The following CRACDL variants were observed in gnomAD, a reference collection of about 807,000 sequenced individuals.
CRACDL encodes the protein CRACD like, also known as CRACD-like protein.
A neutral mutation model predicts 70.6 loss-of-function variants in CRACDL; 26 were observed. That is an observed-to-expected ratio of 0.37 (90% CI 0.27 to 0.51). The LOEUF is 0.51. CRACDL is among the 20% of genes least tolerant of loss of function. The pLI, the probability that CRACDL is intolerant of heterozygous loss-of-function variation, is 0.94. For synonymous variants in CRACDL, 618 were observed against 615.2 expected, an observed-to-expected ratio of 1.00 and a Z score of -0.07; for missense variants, 1,283 against 1,376.9, an observed-to-expected ratio of 0.93 and a Z score of 1.08.
At chr2:98,928,188 T>C (rs529434499) in intron 1 of CRACDL, among the ~76,000 whole-genome samples, 1 of 148,716 alleles carries the variant, frequency 6.7e-6, no homozygotes, top group African/African-American at 2.6e-5. Flanking sequence ...CTCAAAAAAA[T>C]AAATAAATAA....
chr2:98,795,050 T>A (rs199781964), intron 9 of CRACDL, among the ~76,000 whole-genome samples: 36,556 of 50,742 alleles, frequency 0.72, 11,297 homozygotes, highest in African/African-American at 0.75. Context: ...AATATATATA[T>A]ATATATATAT....
chr2:98,930,739 T>C (rs923784037), intron 1 of CRACDL, among the ~76,000 whole-genome samples: 4 of 152,178 alleles, frequency 2.6e-5, no homozygotes, highest in Non-Finnish European at 5.9e-5. Context: ...GTTATGCTCA[T>C]TTTCCTTAAA....
chr2:98,871,606 G>A (rs958837558), intron 1 of CRACDL, among the ~76,000 whole-genome samples: 6 of 152,208 alleles, frequency 3.9e-5, no homozygotes. Flanking sequence ...TTCTGGGCTG[G>A]AATCTGGCAG....
At chr2:98,829,385 G>A (rs1348782437) in intron 5 of CRACDL, among the ~76,000 whole-genome samples, 3 of 152,216 alleles carry the variant, frequency 2.0e-5, no homozygotes, top group Non-Finnish European at 4.4e-5. Context: ...TGTTTCCACT[G>A]TTGCTCTGAG....
intron 3 of CRACDL, among the ~76,000 whole-genome samples, chr2:98,835,317 A>C (rs1363250409): frequency 6.6e-6 from 1 of 152,228 alleles, no homozygotes; most frequent in Non-Finnish European, 1.5e-5. Context: ...AGCTGGACTG[A>C]GGTCTTTAAA....
intron 1 of CRACDL, among the ~76,000 whole-genome samples, chr2:98,852,545 A>G (rs543066454): frequency 2.6e-5 from 4 of 152,336 alleles, no homozygotes; most frequent in African/African-American, 7.2e-5. Flanking sequence ...TTAAATAGCC[A>G]ACAAAGACTT....
intron 5 of CRACDL, 121 bp downstream of exon 5, chr2:98,832,227 C>A: frequency 1.0e-6 from 1 of 1,003,880 alleles, no homozygotes; most frequent in Non-Finnish European, 1.6e-6. Flanking sequence ...CTCCAGTGAC[C>A]CAGTTGGCCA....
Position 98,869,408 on chromosome 2 carries a change from G to A in CRACDL, c.-10-22598C>T, listed in dbSNP as rs1383001098. On this transcript the variant is annotated intron_variant, in intron 1 of 9. Transcript: ENST00000397899. ...AATGCACTTCCGCCTTCCACTCCAA[G>A]CCCTGAAGGCCGGGATGGGGGTGGC... The A allele has an allele frequency of 7.0e-6, 4 of 573,814 alleles. No homozygotes were observed. The African/African-American group carries it at 7.9e-5, about 11-fold the overall frequency. 35.5% of individuals were successfully genotyped at this position (573,814 alleles called of 1,614,324 possible).
At chr2:98,889,134 AG>A (rs1256650619) in intron 1 of CRACDL, among the ~76,000 whole-genome samples, 7 of 148,422 alleles carry the variant, frequency 4.7e-5, no homozygotes, top group African/African-American at 1.2e-4. Context: ...CAAAAAAAAA[AG>A]GGGGGGGAAG....
At chr2:98,871,555 A>C (rs1027734931) in intron 1 of CRACDL, among the ~76,000 whole-genome samples, 1 of 152,166 alleles carries the variant, frequency 6.6e-6, no homozygotes, top group Non-Finnish European at 1.5e-5. Context: ...CCTCCCAAGA[A>C]ACCCTGGCAA....
rs191687332 is a variant in CRACDL, at chr2:98,857,213, T to A, written c.-10-10403A>T. Among the ~76,000 whole-genome samples, 126 of 152,100 alleles carry A rather than the reference T, an allele frequency of 8.3e-4. 1 individual carries two copies. Among genetic ancestry groups the A allele is most frequent in the African/African-American group, 3.0e-3 (123 of 41,496 alleles). On this transcript the variant is annotated intron_variant, in intron 1 of 9. Coordinates refer to ENST00000397899, the MANE Select transcript of CRACDL (RefSeq NM_207362.3). ...ACACAGCTACATTGGAGTAAGAAAA[T>A]GACATCAGATGGTAACATGATCCAC...
intron 7 of CRACDL, among the ~76,000 whole-genome samples, chr2:98,812,305 T>A (rs1009297999): frequency 2.0e-5 from 3 of 152,212 alleles, no homozygotes; most frequent in African/African-American, 7.2e-5. Flanking sequence ...AATGCTGTTG[T>A]AGACATGAAC....
At chr2:98,894,459 G>A (rs948481164) in intron 1 of CRACDL, among the ~76,000 whole-genome samples, 3 of 152,228 alleles carry the variant, frequency 2.0e-5, no homozygotes, top group Non-Finnish European at 2.9e-5. Flanking sequence ...CCCAATGTAC[G>A]ATGGAAAATC....
At chr2:98,854,437 T>C (rs1173874684) in intron 1 of CRACDL, among the ~76,000 whole-genome samples, 5 of 151,844 alleles carry the variant, frequency 3.3e-5, no homozygotes, top group African/African-American at 9.7e-5. Context: ...GTCTTACAGA[T>C]GCCTAAAAAA....
chr2:98,919,492 CAT>C (rs1432603946), intron 1 of CRACDL, among the ~76,000 whole-genome samples: 1 of 152,052 alleles, frequency 6.6e-6, no homozygotes, highest in Admixed American at 6.6e-5. Context: ...TCTCTGGTAT[CAT>C]GTGTAGAAAG....
chr2:98,825,809 C>T (rs1705276613), intron 6 of CRACDL, among the ~76,000 whole-genome samples: 1 of 152,230 alleles, frequency 6.6e-6, no homozygotes, highest in East Asian at 1.9e-4. Context: ...CATTAGTCCC[C>T]TCAAAAGTCT....
At chr2:98,933,298 T>C (rs948962346) in intron 1 of CRACDL, among the ~76,000 whole-genome samples, 1 of 152,216 alleles carries the variant, frequency 6.6e-6, no homozygotes, top group Non-Finnish European at 1.5e-5. Context: ...CTGATGGGAC[T>C]ACAACCCTCT....
At chr2:98,806,502 C>T (rs978351602) in intron 7 of CRACDL, among the ~76,000 whole-genome samples, 2 of 152,174 alleles carry the variant, frequency 1.3e-5, no homozygotes, top group African/African-American at 4.8e-5. Context: ...GTGGAGATCC[C>T]GGGGAGCCAG....
At chr2:98,884,856 G>A (rs749787631) in intron 1 of CRACDL, among the ~76,000 whole-genome samples, 2 of 152,146 alleles carry the variant, frequency 1.3e-5, no homozygotes, top group African/African-American at 2.4e-5. Flanking sequence ...TTTGTGAGCC[G>A]CCCAGTTCAT....
Sources: allele counts gnomAD v4.1 joint callset (sites outside exome capture counted in the v4.1 genomes callset), GRCh38; gene constraint gnomAD v4.1.1; transcripts MANE v1.5; gene names NCBI Gene and HGNC (gene_info 2026-07-23, HGNC 2026-07-21).